The following CTNNA2 variants were observed in gnomAD, a reference collection of about 807,000 sequenced individuals.
CTNNA2 encodes catenin alpha-2.
A neutral mutation model predicts 101.0 loss-of-function variants in CTNNA2; 42 were observed. The observed-to-expected ratio is 0.42, with a 90% CI of 0.32 to 0.54. The LOEUF is 0.54. Among genes scored for constraint, CTNNA2 ranks in the 20% least tolerant of loss-of-function variants. The probability of loss-of-function intolerance (pLI) is 0.14; values close to 1 mark genes in which losing one functional copy is unlikely to be tolerated. For synonymous variants in CTNNA2, 450 were observed against 456.4 expected (o/e 0.99, Z 0.18); for missense variants, 871 against 1,223.1 (o/e 0.71, Z 4.29).
intron 3 of CTNNA2, among the ~76,000 whole-genome samples, chr2:79,780,121 A>G (rs1344117490): frequency 6.6e-6 from 1 of 152,166 alleles, no homozygotes; most frequent in East Asian, 1.9e-4. Context: ...CAATCAGAAA[A>G]TCTGTGAATC....
chr2:80,515,869 T>C (rs1362833539), intron 9 of CTNNA2, among the ~76,000 whole-genome samples: 4 of 152,212 alleles, frequency 2.6e-5, no homozygotes, highest in African/African-American at 7.2e-5. Context: ...CTGAATTGCA[T>C]GTCTGTTTCA....
intron 2 of CTNNA2, among the ~76,000 whole-genome samples, chr2:79,712,037 T>C (rs777785586): frequency 6.6e-6 from 1 of 152,296 alleles, no homozygotes; most frequent in South Asian, 2.1e-4. Context: ...AAGAACATTA[T>C]ACTGTTCATG....
intron 15 of CTNNA2, among the ~76,000 whole-genome samples, chr2:80,591,457 GTTT>G (rs567131551): frequency 0.028 from 1,943 of 70,312 alleles, 76 homozygotes; most frequent in African/African-American, 0.084. Context: ...TGCACAGCCT[GTTT>G]TTTTTTTTTT....
chr2:80,443,884 G>A (rs1400995752), intron 9 of CTNNA2, among the ~76,000 whole-genome samples: 2 of 152,132 alleles, frequency 1.3e-5, no homozygotes, highest in Admixed American at 6.5e-5. Flanking sequence ...TATTTCCTGT[G>A]CCCTAGAGAC....
intron 7 of CTNNA2, among the ~76,000 whole-genome samples, chr2:80,194,100 G>A (rs1706688508): frequency 6.6e-6 from 1 of 152,184 alleles, no homozygotes; most frequent in Non-Finnish European, 1.5e-5. Flanking sequence ...TTGCTGTTTA[G>A]CAATTTTAAT....
chr2:79,895,691 AAT>A (rs1558620997), intron 6 of CTNNA2, among the ~76,000 whole-genome samples: 2 of 107,764 alleles, frequency 1.9e-5, no homozygotes, highest in Non-Finnish European at 3.6e-5. Context: ...GAAATTTCTT[AAT>A]TTTTTTTTTT....
intron 7 of CTNNA2, among the ~76,000 whole-genome samples, chr2:80,186,707 C>T (rs1426315855): frequency 6.6e-6 from 1 of 152,166 alleles, no homozygotes; most frequent in Non-Finnish European, 1.5e-5. Context: ...TGATGCCAAG[C>T]CCACTTCTTT....
At chr2:79,752,799 TG>T (rs990303317) in intron 3 of CTNNA2, among the ~76,000 whole-genome samples, 11 of 152,150 alleles carry the variant, frequency 7.2e-5, no homozygotes, top group African/African-American at 2.7e-4. Context: ...TACAACTGTT[TG>T]CCTGCTTGCT....
At position 80,247,798 on chromosome 2, in the gene CTNNA2, G is replaced by C. The variant is rs187643892; in HGVS notation, c.1057-145413G>C. ...ATCTGTAACTTAGATTATGTAGGTG[G>C]ATATCCAGGATTTAATAAGGCCTGA... On this transcript the variant is annotated intron_variant, in intron 7 of 18. Transcript: ENST00000402739. 5.8e-3 allele frequency among the ~76,000 whole-genome samples: 879 copies of C among 152,188 alleles called. 6 individuals carry two copies. The highest frequency in any genetic ancestry group is 9.8e-3 in the Non-Finnish European group (665 of 68,024).
intron 7 of CTNNA2, among the ~76,000 whole-genome samples, chr2:80,269,461 G>A (rs1433177078): frequency 6.6e-6 from 1 of 152,068 alleles, no homozygotes; most frequent in African/African-American, 2.4e-5. Flanking sequence ...TAAGTCTCGG[G>A]TATATCCTTA....
intron 6 of CTNNA2, among the ~76,000 whole-genome samples, chr2:79,894,957 A>G (rs769925971): frequency 6.6e-6 from 1 of 152,182 alleles, no homozygotes; most frequent in Non-Finnish European, 1.5e-5. Flanking sequence ...CTAACTTCTC[A>G]GTCTTCTGGA....
At chr2:80,094,288 T>C (rs1330671565) in intron 7 of CTNNA2, among the ~76,000 whole-genome samples, 3 of 152,070 alleles carry the variant, frequency 2.0e-5, no homozygotes, top group Non-Finnish European at 4.4e-5. Context: ...CTTGTTTTTC[T>C]CAGGTTTGTC....
chr2:80,578,024 A>G (rs1422713326), intron 13 of CTNNA2, among the ~76,000 whole-genome samples: 3 of 152,178 alleles, frequency 2.0e-5, no homozygotes, highest in Admixed American at 6.6e-5. Context: ...TTGTTTCTCT[A>G]TAGAGGCTGT....
intron 1 of CTNNA2, among the ~76,000 whole-genome samples, chr2:79,624,591 G>A (rs552014240): frequency 2.0e-5 from 3 of 152,154 alleles, no homozygotes. Context: ...TTCAAGACTG[G>A]CCTGTAGAAG....
intron 1 of CTNNA2, chr2:79,575,391 G>T (rs904073925): frequency 6.6e-6 from 1 of 152,118 alleles, no homozygotes; most frequent in South Asian, 2.1e-4. Context: ...AAATGCCATC[G>T]TGTTGTCTCC....
intron 7 of CTNNA2, among the ~76,000 whole-genome samples, chr2:80,120,383 G>A (rs932739088): frequency 6.6e-6 from 1 of 152,144 alleles, no homozygotes; most frequent in Non-Finnish European, 1.5e-5. Flanking sequence ...ACTCCTTCGG[G>A]ATACCCTGTG....
intron 1 of CTNNA2, among the ~76,000 whole-genome samples, chr2:79,518,412 A>G (rs1456239612): frequency 1.3e-5 from 2 of 152,242 alleles, no homozygotes; most frequent in Non-Finnish European, 2.9e-5. Flanking sequence ...GCCATAATAG[A>G]AAATTAATAG....
At chr2:80,427,829 A>G in intron 9 of CTNNA2, among the ~76,000 whole-genome samples, 1 of 152,342 alleles carries the variant, frequency 6.6e-6, no homozygotes, top group African/African-American at 2.4e-5. Context: ...TGAGAGGCCC[A>G]TGTGCTGATG....
intron 7 of CTNNA2, among the ~76,000 whole-genome samples, chr2:80,386,669 A>G (rs183697866): frequency 2.6e-5 from 4 of 152,286 alleles, no homozygotes; most frequent in Admixed American, 2.0e-4. Context: ...TGGCATTCTG[A>G]TGATTTTGAC....
Sources: gnomAD v4.1 joint callset for allele counts (sites outside exome capture counted in the v4.1 genomes callset) on GRCh38, gnomAD v4.1.1 for gene constraint, MANE v1.5 for transcripts, NCBI Gene and HGNC (gene_info 2026-07-23, HGNC 2026-07-21) for gene names.